DPP10: variants seen among roughly 807,000 people sequenced by gnomAD.
The protein encoded by DPP10 is inactive dipeptidyl peptidase 10.
Under a neutral mutation model 120.9 loss-of-function variants are expected in DPP10, and 33 were observed. The observed-to-expected ratio is 0.27, with a 90% CI of 0.21 to 0.37. DPP10 has a LOEUF of 0.37. DPP10 is among the 10% of genes least tolerant of loss of function. DPP10 has a pLI of 1.00. For synonymous variants in DPP10, 337 were observed against 326.1 expected (o/e 1.03, Z -0.36); for missense variants, 816 against 942.8 (o/e 0.87, Z 1.76).
At position 115,413,454 on chromosome 2, in the gene DPP10, T is replaced by A. The variant is rs138514416; in HGVS notation, c.271+69542T>A. On this transcript the variant is annotated intron_variant, in intron 3 of 25. Coordinates refer to ENST00000410059, the MANE Select transcript of DPP10 (RefSeq NM_020868.6). ...AGTAGTGGAGCATGAGGGTAGGTTA[T>A]CTTCAAGTAGTGAGGTTTGTGTAAA... Among the ~76,000 whole-genome samples the A allele has an allele frequency of 2.0e-5, 3 of 152,290 alleles. No homozygotes were observed. The East Asian group carries it at 5.8e-4, about 29-fold the overall frequency.
At chr2:115,367,036 C>T (rs1184158684) in intron 3 of DPP10, among the ~76,000 whole-genome samples, 1 of 151,902 alleles carries the variant, frequency 6.6e-6, no homozygotes, top group Non-Finnish European at 1.5e-5. Context: ...TGCAATTTGA[C>T]GTCCCTAATA....
intron 1 of DPP10, among the ~76,000 whole-genome samples, chr2:114,544,366 G>A (rs1687202040): frequency 6.6e-6 from 1 of 152,212 alleles, no homozygotes; most frequent in African/African-American, 2.4e-5. Context: ...GGCAGTATGA[G>A]TCATTGGGGG....
chr2:114,996,931 G>A (rs1701123745), intron 1 of DPP10, among the ~76,000 whole-genome samples: 2 of 143,162 alleles, frequency 1.4e-5, no homozygotes, highest in South Asian at 4.4e-4. Context: ...GCAATGAGCC[G>A]AGATCGTGCC....
rs1432958280 is a variant in DPP10, at chr2:115,815,007, T to C, written c.1895+20T>C. 5 of 1,567,004 alleles carry C rather than the reference T, an allele frequency of 3.2e-6. No individual in the cohort carries two copies. The African/African-American group carries it at 6.7e-5, about 21-fold the overall frequency. On this transcript the variant is annotated intron_variant, in intron 20 of 25. Coordinates refer to ENST00000410059, the MANE Select transcript of DPP10 (RefSeq NM_020868.6). ...TGTGAAGTAAGTGGATGCACATTTTTCTTCTCTGTTTTCTATAATGACAGA... is the reference window on the plus strand; with the variant it reads ...TGTGAAGTAAGTGGATGCACATTTTCCTTCTCTGTTTTCTATAATGACAGA...
At chr2:114,776,636 G>C (rs1193363063) in intron 1 of DPP10, among the ~76,000 whole-genome samples, 4 of 152,022 alleles carry the variant, frequency 2.6e-5, no homozygotes, top group Non-Finnish European at 5.9e-5. Flanking sequence ...TTGGCAGCTT[G>C]AAGTCATCTA....
rs563913066 is a variant in DPP10, at chr2:115,348,170, C to A, written c.271+4258C>A. On this transcript the variant is annotated intron_variant, in intron 3 of 25. Coordinates refer to ENST00000410059, the MANE Select transcript of DPP10 (RefSeq NM_020868.6). ...TCAACGTACTCAGCATGCCACCATG[C>A]CATACTTGGAGGTATCATTTTCTGA... Among the ~76,000 whole-genome samples the A allele has an allele frequency of 1.8e-4, 28 of 152,182 alleles. 1 individual carries two copies. The South Asian group carries it at 5.0e-3, about 27-fold the overall frequency.
chr2:115,556,505 C>T (rs2080225301), intron 5 of DPP10, among the ~76,000 whole-genome samples: 1 of 151,846 alleles, frequency 6.6e-6, no homozygotes, highest in African/African-American at 2.4e-5. Context: ...AAAAGAGATC[C>T]CATTACATTT....
intron 13 of DPP10, among the ~76,000 whole-genome samples, chr2:115,775,463 G>T (rs1681987528): frequency 6.6e-6 from 1 of 151,664 alleles, no homozygotes; most frequent in African/African-American, 2.4e-5. Context: ...AAGTTTAGGA[G>T]AAATGGATGC....
At chr2:114,896,055 A>G (rs942297981) in intron 1 of DPP10, among the ~76,000 whole-genome samples, 3 of 152,022 alleles carry the variant, frequency 2.0e-5, no homozygotes, top group African/African-American at 4.8e-5. Flanking sequence ...GATATGCAGC[A>G]TTATTTCTGA....
chr2:114,808,159 C>G (rs1472521995), intron 1 of DPP10, among the ~76,000 whole-genome samples: 2 of 152,168 alleles, frequency 1.3e-5, no homozygotes. Context: ...GATGATTAGA[C>G]CTGCCACAAT....
At chr2:115,426,619 T>C (rs897070075) in intron 3 of DPP10, among the ~76,000 whole-genome samples, 8 of 145,480 alleles carry the variant, frequency 5.5e-5, no homozygotes, top group Non-Finnish European at 6.0e-5. Context: ...CAACATGAGA[T>C]TCTCACCAGG....
chr2:115,262,882 T>C (rs1397570176), intron 1 of DPP10, among the ~76,000 whole-genome samples: 1 of 103,032 alleles, frequency 9.7e-6, no homozygotes, highest in African/African-American at 3.4e-5. Flanking sequence ...AAATTCCATG[T>C]AATTCTACAG....
At chr2:114,920,957 C>G (rs1695154249) in intron 1 of DPP10, among the ~76,000 whole-genome samples, 1 of 152,122 alleles carries the variant, frequency 6.6e-6, no homozygotes, top group Non-Finnish European at 1.5e-5. Context: ...GAATCCATTT[C>G]CAGATCCTTA....
chr2:115,383,845 A>T (rs2066633208), intron 3 of DPP10, among the ~76,000 whole-genome samples: 1 of 152,208 alleles, frequency 6.6e-6, no homozygotes, highest in Non-Finnish European at 1.5e-5. Context: ...ATTAGCTACA[A>T]AAAGTTAGTT....
rs917951049 is a variant in DPP10 at position 114,813,145 on chromosome 2, G to A, written c.60+370307G>A. Reference sequence around the variant, plus strand: ...CTGGATACTAAACATAACAATTCCTGAAAGGATCTTTCATTTTAGACTGCT... The same window carrying A: ...CTGGATACTAAACATAACAATTCCTAAAAGGATCTTTCATTTTAGACTGCT... On this transcript the variant is annotated intron_variant, in intron 1 of 25. Coordinates refer to ENST00000410059, the MANE Select transcript of DPP10 (RefSeq NM_020868.6). Among the ~76,000 whole-genome samples, 6 of 152,246 alleles carry A rather than the reference G, an allele frequency of 3.9e-5. No homozygotes were observed. The East Asian group carries it at 1.2e-3, about 29-fold the overall frequency.
At chr2:114,952,763 T>G (rs976485763) in intron 1 of DPP10, among the ~76,000 whole-genome samples, 1 of 152,156 alleles carries the variant, frequency 6.6e-6, no homozygotes, top group African/African-American at 2.4e-5. Flanking sequence ...GAGGTAAAAT[T>G]TGGCCAGTGT....
At chr2:115,183,154 G>A (rs1162378071) in intron 1 of DPP10, among the ~76,000 whole-genome samples, 7 of 152,130 alleles carry the variant, frequency 4.6e-5, no homozygotes, top group Non-Finnish European at 7.3e-5. Flanking sequence ...TTTATTCAAA[G>A]CAGAAAATAA....
intron 3 of DPP10, among the ~76,000 whole-genome samples, chr2:115,382,491 A>C (rs1392090972): frequency 6.6e-6 from 1 of 152,214 alleles, no homozygotes; most frequent in Non-Finnish European, 1.5e-5. Context: ...CTGGTACCTC[A>C]GATGGAAATG....
At chr2:115,645,605 C>T (rs1265923980) in intron 5 of DPP10, among the ~76,000 whole-genome samples, 1 of 152,082 alleles carries the variant, frequency 6.6e-6, no homozygotes, top group Non-Finnish European at 1.5e-5. Flanking sequence ...CCTTACTAAG[C>T]CATCATGTTA....
Sources: allele counts gnomAD v4.1 joint callset (sites outside exome capture counted in the v4.1 genomes callset), GRCh38; gene constraint gnomAD v4.1.1; transcripts MANE v1.5; gene names NCBI Gene and HGNC (gene_info 2026-07-23, HGNC 2026-07-21).